Variants in ASTN2 observed in about 807,000 individuals in gnomAD.
ASTN2 encodes astrotactin-2.
ASTN2 carries 54 observed loss-of-function variants against 139.8 expected under a neutral mutation model. The observed-to-expected ratio is 0.39, with a 90% confidence interval of 0.31 to 0.48. The LOEUF is 0.48. Ranked by LOEUF, ASTN2 falls within the 20% of genes least tolerant of loss-of-function variation. ASTN2 has a pLI of 0.95. For synonymous variants in ASTN2, 756 were observed against 719.5 expected (o/e 1.05, Z -0.81); for missense variants, 1,565 against 1,725.1 (o/e 0.91, Z 1.64).
chr9:116,888,150 C>T (rs1387962190), intron 10 of ASTN2, among the ~76,000 whole-genome samples: 1 of 152,078 alleles, frequency 6.6e-6, no homozygotes, highest in Non-Finnish European at 1.5e-5. Flanking sequence ...TGGCTACAAT[C>T]TCAACAGATT....
At chr9:116,890,234 T>G (rs1833729785) in intron 10 of ASTN2, among the ~76,000 whole-genome samples, 1 of 152,216 alleles carries the variant, frequency 6.6e-6, no homozygotes, top group Admixed American at 6.5e-5. Context: ...CCTTCATAGT[T>G]ACATTCCTTG....
intron 13 of ASTN2, among the ~76,000 whole-genome samples, chr9:116,771,303 T>C (rs1020520096): frequency 2.9e-5 from 2 of 69,056 alleles, no homozygotes; most frequent in South Asian, 7.4e-4. Flanking sequence ...TTGTGTCACT[T>C]TACCCCTCCA....
chr9:117,383,065 A>G (rs1830311503), intron 1 of ASTN2, among the ~76,000 whole-genome samples: 1 of 152,192 alleles, frequency 6.6e-6, no homozygotes, highest in South Asian at 2.1e-4. Context: ...CGCAGACAAT[A>G]CGTAAACAAA....
intron 1 of ASTN2, among the ~76,000 whole-genome samples, chr9:117,334,073 T>C (rs901986434): frequency 6.6e-6 from 1 of 152,224 alleles, no homozygotes; most frequent in Non-Finnish European, 1.5e-5. Flanking sequence ...GCAGATCATA[T>C]GGTTTTCCAC....
rs185664259 is a variant in ASTN2, at chr9:117,071,932, C to T, written c.1276+24112G>A. ...GTCTGGCACTCCCTAGTGAGATGAACCCGGTACCTCAGATGGAAATGCAGA... is the reference window on the plus strand; with the variant it reads ...GTCTGGCACTCCCTAGTGAGATGAATCCGGTACCTCAGATGGAAATGCAGA... On this transcript the variant is annotated intron_variant, in intron 5 of 22. Coordinates refer to ENST00000313400, the MANE Select transcript of ASTN2 (RefSeq NM_001365068.1). Among the ~76,000 whole-genome samples, 813 of 152,244 alleles carry T rather than the reference C, an allele frequency of 5.3e-3. 2 individuals are homozygous for T. Among genetic ancestry groups the T allele is most frequent in the African/African-American group, 8.3e-3 (344 of 41,556 alleles).
At chr9:117,310,054 A>C (rs1827926440) in intron 1 of ASTN2, among the ~76,000 whole-genome samples, 1 of 152,178 alleles carries the variant, frequency 6.6e-6, no homozygotes, top group Non-Finnish European at 1.5e-5. Context: ...GGGTAACTTG[A>C]CAGGGTGTGC....
At chr9:116,574,153 G>A (rs1853632369) in intron 19 of ASTN2, among the ~76,000 whole-genome samples, 1 of 152,128 alleles carries the variant, frequency 6.6e-6, no homozygotes, top group Admixed American at 6.5e-5. Flanking sequence ...TCTGCCTTGT[G>A]AGCCACACAG....
intron 4 of ASTN2, among the ~76,000 whole-genome samples, chr9:117,116,035 TGC>T (rs1829379603): frequency 8.2e-6 from 1 of 121,442 alleles, no homozygotes; most frequent in African/African-American, 3.7e-5. Flanking sequence ...AAAAAAAAAA[TGC>T]ATATATATAT....
chr9:117,404,899 A>G (rs980407179), intron 1 of ASTN2, among the ~76,000 whole-genome samples: 1 of 152,118 alleles, frequency 6.6e-6, no homozygotes, highest in Non-Finnish European at 1.5e-5. Context: ...GGGAAGGTGG[A>G]AAGAATAGAG....
chr9:116,479,477 C>T (rs1226745958), intron 20 of ASTN2, among the ~76,000 whole-genome samples: 3 of 137,164 alleles, frequency 2.2e-5, no homozygotes, highest in Admixed American at 1.5e-4. Flanking sequence ...CTCTCAGCCC[C>T]CTGGGCTTTT....
rs764730016 is a variant in ASTN2 at position 116,698,471 on chromosome 9, G to A, written c.2806+27300C>T. The A allele has an allele frequency of 7.4e-6, 12 of 1,613,966 alleles. No homozygotes were observed. In the South Asian group the frequency reaches 1.3e-4, roughly 18 times the overall value. On this transcript the variant is annotated intron_variant, in intron 16 of 22. Coordinates refer to ENST00000313400, the MANE Select transcript of ASTN2 (RefSeq NM_001365068.1). The surrounding 1 kb of genome is among the most constrained non-coding windows in gnomAD (Gnocchi z 4.4). The stretch of plus-strand genomic sequence containing the variant: ...CTGTGTCTCGCTGTGACTACTTCCT[G>A]GCCAAGATCAAGCAGGCAGATGTAG...
intron 4 of ASTN2, among the ~76,000 whole-genome samples, chr9:117,123,599 C>T (rs1332539897): frequency 2.0e-5 from 3 of 152,054 alleles, no homozygotes; most frequent in South Asian, 2.1e-4. Context: ...GTGTTACTAC[C>T]CTGTAGAGTA....
At chr9:117,034,609 T>C (rs543887520) in intron 6 of ASTN2, among the ~76,000 whole-genome samples, 1 of 152,282 alleles carries the variant, frequency 6.6e-6, no homozygotes, top group Non-Finnish European at 1.5e-5. Context: ...GAAGCCTTGA[T>C]AAGTGACCAC....
At chr9:117,208,183 C>A (rs571780362) in intron 3 of ASTN2, among the ~76,000 whole-genome samples, 1 of 151,382 alleles carries the variant, frequency 6.6e-6, no homozygotes, top group Non-Finnish European at 1.5e-5. Context: ...ACATGAACTG[C>A]CAAAAAAATT....
intron 2 of ASTN2, among the ~76,000 whole-genome samples, chr9:117,281,088 A>T: frequency 6.6e-6 from 1 of 152,192 alleles, no homozygotes; most frequent in East Asian, 1.9e-4. Flanking sequence ...ATAACCTCCC[A>T]ACATAGCTCA....
Position 117,273,482 on chromosome 9 carries a change from A to G in ASTN2, c.630+17844T>C, listed in dbSNP as rs1834113266. ...CTCAATGGAGTGCTGTAGAGATTAG[A>G]TAAGGGACGAGTGTGTGAAGTGTTT... On this transcript the variant is annotated intron_variant, in intron 2 of 22. Transcript: ENST00000313400. Among the ~76,000 whole-genome samples, 6 of 152,208 alleles carry G rather than the reference A, an allele frequency of 3.9e-5. No individual in the cohort carries two copies. The South Asian group carries it at 1.2e-3, about 31-fold the overall frequency.
rs540483415 is a variant in ASTN2, at chr9:116,477,934, G to A, written c.3497+9425C>T. 6.0e-5 allele frequency among the ~76,000 whole-genome samples: 9 copies of A among 151,254 alleles called. No individual in the cohort carries two copies. In the East Asian group the frequency reaches 1.6e-3, roughly 26 times the overall value. ...AGGAAGCCAGGGTGACACGGAGAGG[G>A]AAGTAGTGTCCATGACCAAGAAAGA... On this transcript the variant is annotated intron_variant, in intron 20 of 22. Coordinates refer to ENST00000313400, the MANE Select transcript of ASTN2 (RefSeq NM_001365068.1).
At chr9:116,996,872 C>A (rs117555550) in intron 7 of ASTN2, among the ~76,000 whole-genome samples, 7 of 151,878 alleles carry the variant, frequency 4.6e-5, no homozygotes, top group African/African-American at 1.5e-4. Flanking sequence ...AGGACATATG[C>A]CATTTTTAGA....
At chr9:116,885,191 A>G (rs1209490631) in intron 10 of ASTN2, among the ~76,000 whole-genome samples, 3 of 152,148 alleles carry the variant, frequency 2.0e-5, no homozygotes, top group Non-Finnish European at 4.4e-5. Context: ...ATAAAGTCTC[A>G]TGTTCAATTA....
Sources: gnomAD v4.1 joint callset for allele counts (sites outside exome capture counted in the v4.1 genomes callset) on GRCh38, gnomAD v4.1.1 for gene constraint, Gnocchi (gnomAD v3.1) non-coding constraint, MANE v1.5 for transcripts, NCBI Gene and HGNC (gene_info 2026-07-23, HGNC 2026-07-21) for gene names.